Variants in ZC3HC1 observed in about 807,000 individuals in gnomAD.
ZC3HC1 encodes zinc finger C3HC-type containing 1.
A neutral mutation model predicts 61.9 loss-of-function variants in ZC3HC1; 38 were observed. That is an observed-to-expected ratio of 0.61 (90% confidence interval 0.47 to 0.81). The LOEUF is 0.81. ZC3HC1 is among the 30% of genes least tolerant of loss of function. ZC3HC1 has a pLI of 0.00. For missense variants in ZC3HC1, 554 were observed against 622.7 expected, an observed-to-expected ratio of 0.89 and a Z score of 1.17; for synonymous variants, 213 against 229.9, an observed-to-expected ratio of 0.93 and a Z score of 0.67.
At chr7:130,033,445 CTTTTTTTTTTTT>C (rs3043729) in intron 4 of ZC3HC1, among the ~76,000 whole-genome samples, 3 of 82,848 alleles carry the variant, frequency 3.6e-5, no homozygotes, top group African/African-American at 1.0e-4. Flanking sequence ...CTATAGCATT[CTTTTTTTTTTTT>C]TTTTTTTTTT....
Position 130,023,701 on chromosome 7 carries a change from A to G in ZC3HC1, c.1043T>C (p.Ile348Thr). ...SEQAEKSPGP[I>T]VSRTRSWDSS... ...GTCCCAGCTCCGAGTTCGAGAGACA[A>G]TGGGACCAGGGCTCTTTTCAGCCTG... is the stretch of plus-strand genomic sequence containing the variant. Residue 348 changes from isoleucine (I) to threonine (T), a missense_variant, in exon 8 of 10, where the codon ATT becomes ACT. Coordinates refer to ENST00000358303, the MANE Select transcript of ZC3HC1 (RefSeq NM_016478.5). The surrounding 1 kb of genome is among the most constrained non-coding windows in gnomAD (Gnocchi z 4.2). 3 of 1,614,246 alleles carry G rather than the reference A, an allele frequency of 1.9e-6. No homozygotes were observed. The highest frequency in any genetic ancestry group is 1.7e-6 in the Non-Finnish European group (2 of 1,180,036).
chr7:130,018,949 G>A (rs1180337893), intron 9 of ZC3HC1, among the ~76,000 whole-genome samples: 10 of 152,028 alleles, frequency 6.6e-5, no homozygotes, highest in African/African-American at 1.7e-4. Flanking sequence ...TCTAAGACAC[G>A]GCTCATATCC....
chr7:130,039,004 C>T (rs1424457879), intron 4 of ZC3HC1, among the ~76,000 whole-genome samples: 1 of 151,494 alleles, frequency 6.6e-6, no homozygotes, highest in Admixed American at 6.6e-5. Flanking sequence ...AGTAATAACA[C>T]AAGTGAATAT....
At chr7:130,048,984 T>G in intron 2 of ZC3HC1, 49 bp downstream of exon 2, 2 of 1,450,954 alleles carry the variant, frequency 1.4e-6, no homozygotes, top group Non-Finnish European at 1.9e-6. Context: ...CTTGGAGGAA[T>G]TCTAGAAGCA....
chr7:130,020,716 C>T (rs1334709369), intron 9 of ZC3HC1, among the ~76,000 whole-genome samples: 2 of 152,058 alleles, frequency 1.3e-5, no homozygotes, highest in Non-Finnish European at 2.9e-5. Context: ...CCAACTTTTC[C>T]CACTACAAAA....
At position 130,028,971 on chromosome 7, in the gene ZC3HC1, A is replaced by G. The variant is rs747382461; in HGVS notation, c.552T>C (p.Asp184=). 1 of 1,613,956 alleles carries G rather than the reference A, an allele frequency of 6.2e-7. No homozygotes were observed. The highest frequency in any genetic ancestry group is 1.7e-5 in the Admixed American group (1 of 60,016). ...CCAAGTGACAAAGGCTTTGAAAACGATCTAGGAATTCACTAACAAGAATAG... is the reference window on the plus strand; with the variant it reads ...CCAAGTGACAAAGGCTTTGAAAACGGTCTAGGAATTCACTAACAAGAATAG... The part of the protein sequence containing the change: ...EPAILVSEFL[D]RFQSLCHLDL... Residue 184 remains aspartate, a synonymous_variant, in exon 5 of 10, where the codon GAT becomes GAC. Coordinates refer to ENST00000358303, the MANE Select transcript of ZC3HC1 (RefSeq NM_016478.5).
intron 2 of ZC3HC1, among the ~76,000 whole-genome samples, chr7:130,044,471 T>C (rs1400356433): frequency 1.3e-5 from 2 of 152,264 alleles, no homozygotes; most frequent in East Asian, 3.9e-4. Flanking sequence ...TTATGGGACA[T>C]GTCAAAAGGC....
intron 1 of ZC3HC1, 112 bp from the exon 2 acceptor site, chr7:130,049,256 G>C: frequency 1.5e-6 from 1 of 666,484 alleles, no homozygotes; most frequent in Non-Finnish European, 2.3e-6. Flanking sequence ...TGGATTTTAA[G>C]CTTCCTAAAA....
At chr7:130,028,371 G>A (rs370127378) in intron 5 of ZC3HC1, among the ~76,000 whole-genome samples, 1 of 151,462 alleles carries the variant, frequency 6.6e-6, no homozygotes, top group Non-Finnish European at 1.5e-5. Flanking sequence ...GTGAAACCCC[G>A]TCTCTACTAA....
rs1218656963 is a variant in ZC3HC1, at chr7:130,041,539, T to TTC, written c.259-439_259-438insGA. Among the ~76,000 whole-genome samples the TTC allele has an allele frequency of 2.6e-5, 4 of 151,040 alleles. No individual in the cohort carries two copies. The East Asian group carries it at 7.8e-4, about 29-fold the overall frequency. ...TTAACTCATTCTTTTTTTTTTTTTT[T>TTC]TTCAAGACAGAGTCTTGCTCTGTCA... On this transcript the variant is annotated intron_variant, in intron 2 of 9. Coordinates refer to ENST00000358303, the MANE Select transcript of ZC3HC1 (RefSeq NM_016478.5).
intron 9 of ZC3HC1, among the ~76,000 whole-genome samples, chr7:130,021,060 G>A (rs1452721169): frequency 6.6e-6 from 1 of 151,726 alleles, no homozygotes; most frequent in East Asian, 1.9e-4. Flanking sequence ...ACCACACATG[G>A]CAAATTTTTT....
chr7:130,035,439 A>T (rs1389952439), intron 4 of ZC3HC1, among the ~76,000 whole-genome samples: 1 of 151,904 alleles, frequency 6.6e-6, no homozygotes, highest in African/African-American at 2.4e-5. Context: ...CTTCTTCAAA[A>T]AATCTCGTAG....
intron 2 of ZC3HC1, among the ~76,000 whole-genome samples, chr7:130,047,092 C>T (rs1468040000): frequency 1.3e-5 from 2 of 152,064 alleles, no homozygotes; most frequent in Non-Finnish European, 2.9e-5. Context: ...CCTCCCGAGT[C>T]ACTGGGACTA....
In ZC3HC1 at chr7:130,022,632, C is replaced by G. The variant is rs905064884; in HGVS notation, c.1234-107G>C. The G allele has an allele frequency of 1.1e-5, 13 of 1,183,078 alleles. No individual in the cohort carries two copies. The Admixed American group carries it at 2.8e-4, about 25-fold the overall frequency. 73.3% of individuals were successfully genotyped at this position (1,183,078 alleles called of 1,614,324 possible). ...CAGAATCTCACAACTACCCATACTT[C>G]GAGTGTTTATGCTCTCCTTCAAACT... On this transcript the variant is annotated intron_variant, in intron 8 of 9. Transcript: ENST00000358303.
chr7:130,032,438 G>T (rs1242780917), intron 4 of ZC3HC1, among the ~76,000 whole-genome samples: 1 of 150,452 alleles, frequency 6.6e-6, no homozygotes, highest in East Asian at 2.0e-4. Context: ...TTGAAGCCAG[G>T]AGTTTGAGAT....
chr7:130,020,280 T>C (rs1457405943), intron 9 of ZC3HC1, among the ~76,000 whole-genome samples: 1 of 151,520 alleles, frequency 6.6e-6, no homozygotes, highest in East Asian at 1.9e-4. Flanking sequence ...TTTTCTTTTT[T>C]TTTTTTTTTT....
chr7:130,041,144 A>T, intron 2 of ZC3HC1, 43 bp from the exon 3 acceptor site: 3 of 1,452,276 alleles, frequency 2.1e-6, no homozygotes, highest in Non-Finnish European at 1.8e-6. Flanking sequence ...ATATATATAT[A>T]TGTGTGTGTA....
At chr7:130,044,290 G>A (rs1393373072) in intron 2 of ZC3HC1, among the ~76,000 whole-genome samples, 1 of 152,160 alleles carries the variant, frequency 6.6e-6, no homozygotes, top group Non-Finnish European at 1.5e-5. Flanking sequence ...AAAGTGCTGG[G>A]ATTACAGGTG....
At chr7:130,021,096 G>A (rs1442301344) in intron 9 of ZC3HC1, among the ~76,000 whole-genome samples, 3 of 150,712 alleles carry the variant, frequency 2.0e-5, no homozygotes, top group African/African-American at 7.3e-5. Context: ...GAGTAGAGAC[G>A]AGGTTTCACC....
Sources: allele counts gnomAD v4.1 joint callset (sites outside exome capture counted in the v4.1 genomes callset), GRCh38; gene constraint gnomAD v4.1.1; non-coding constraint Gnocchi (gnomAD v3.1); transcripts MANE v1.5; gene names NCBI Gene and HGNC (gene_info 2026-07-23, HGNC 2026-07-21).